The following SRGAP3 variants were observed in gnomAD, a reference collection of about 807,000 sequenced individuals.
SRGAP3 encodes the protein SLIT-ROBO Rho GTPase-activating protein 3.
In SRGAP3, 39 loss-of-function variants were observed where a neutral mutation model predicts 121.1. That is an observed-to-expected ratio of 0.32 (90% CI 0.25 to 0.42). SRGAP3 has a LOEUF of 0.42. Among genes scored for constraint, SRGAP3 ranks in the 10% least tolerant of loss-of-function variants. SRGAP3 has a pLI of 1.00. For missense variants in SRGAP3, 1,213 were observed against 1,470.6 expected (o/e 0.82, Z 2.86); for synonymous variants, 601 against 570.0 (o/e 1.05, Z -0.77).
chr3:9,317,389 T>C (rs1206346176), intron 3 of SRGAP3, among the ~76,000 whole-genome samples: 6 of 152,248 alleles, frequency 3.9e-5, no homozygotes. Flanking sequence ...TTTAAGATCA[T>C]GTTTGCCTGC....
chr3:9,121,283 G>A (rs1948995375), intron 2 of SRGAP3, among the ~76,000 whole-genome samples: 1 of 152,202 alleles, frequency 6.6e-6, no homozygotes, highest in South Asian at 2.1e-4. Flanking sequence ...GGCACTGAGG[G>A]GCTACTTGGC....
At chr3:9,101,859 C>A (rs987143335) in intron 3 of SRGAP3, among the ~76,000 whole-genome samples, 1 of 152,070 alleles carries the variant, frequency 6.6e-6, no homozygotes, top group African/African-American at 2.4e-5. Flanking sequence ...ACATCTCACA[C>A]TTAAAGCAAG....
intron 2 of SRGAP3, among the ~76,000 whole-genome samples, chr3:9,121,845 G>GGA (rs1949016153): frequency 6.6e-6 from 1 of 152,192 alleles, no homozygotes; most frequent in African/African-American, 2.4e-5. Context: ...CTGCAGCTAG[G>GGA]GAGAGCCCAA....
chr3:9,179,419 T>A (rs1951297378), intron 1 of SRGAP3, among the ~76,000 whole-genome samples: 1 of 152,068 alleles, frequency 6.6e-6, no homozygotes, highest in African/African-American at 2.4e-5. Context: ...AAAGTAGAGG[T>A]AATAATAGGC....
intron 15 of SRGAP3, chr3:9,014,066 C>A (rs1259544279): frequency 3.4e-6 from 2 of 596,630 alleles, no homozygotes; most frequent in Non-Finnish European, 6.1e-6. Flanking sequence ...CAATCAGAGT[C>A]GACTCTCCGG....
intron 2 of SRGAP3, among the ~76,000 whole-genome samples, chr3:9,116,916 T>G (rs1948825688): frequency 6.6e-6 from 1 of 152,176 alleles, no homozygotes; most frequent in African/African-American, 2.4e-5. Flanking sequence ...CCCATGAAGG[T>G]GCAATGAGAT....
chr3:9,161,681 T>C lies in SRGAP3; in HGVS notation c.68-36764A>G, dbSNP rs111651238. On this transcript the variant is annotated intron_variant, in intron 1 of 21. Transcript: ENST00000383836. The stretch of plus-strand genomic sequence containing the variant: ...TCTCCTTTCCTTTGATAAATATCAG[T>C]ACCAACAATAGGAGGGAGAAAAGTG... Among the ~76,000 whole-genome samples the C allele has an allele frequency of 6.5e-3, 985 of 152,306 alleles. 10 individuals are homozygous for C. The highest frequency in any genetic ancestry group is 0.022 in the African/African-American group (923 of 41,550).
chr3:8,993,277 C>T (rs1275644749), intron 19 of SRGAP3, among the ~76,000 whole-genome samples: 2 of 152,250 alleles, frequency 1.3e-5, no homozygotes, highest in African/African-American at 4.8e-5. Context: ...TTCTGTCCCA[C>T]ACCTACCTCC....
chr3:9,153,662 C>G (rs1196842170), intron 1 of SRGAP3, among the ~76,000 whole-genome samples: 2 of 152,096 alleles, frequency 1.3e-5, no homozygotes, highest in Non-Finnish European at 2.9e-5. Context: ...ACATTTAACA[C>G]AGACATAATC....
chr3:9,168,552 C>G (rs1021038250), intron 1 of SRGAP3, among the ~76,000 whole-genome samples: 1 of 152,326 alleles, frequency 6.6e-6, no homozygotes, highest in East Asian at 1.9e-4. Context: ...TTTTAACATC[C>G]GCTTAACAAC....
At chr3:9,086,233 T>C (rs1947465849) in intron 3 of SRGAP3, among the ~76,000 whole-genome samples, 1 of 152,184 alleles carries the variant, frequency 6.6e-6, no homozygotes, top group Non-Finnish European at 1.5e-5. Flanking sequence ...GCTCATTAAA[T>C]ATGTTTGCTT....
At chr3:9,141,556 GTGT>G (rs1560250931) in intron 1 of SRGAP3, among the ~76,000 whole-genome samples, 17 of 14,020 alleles carry the variant, frequency 1.2e-3, no homozygotes, top group Admixed American at 2.1e-3. Context: ...CTTCAGGGGT[GTGT>G]GTGTGTGTGT....
intron 1 of SRGAP3, among the ~76,000 whole-genome samples, chr3:9,244,940 G>A (rs140364785): frequency 2.0e-5 from 3 of 152,158 alleles, no homozygotes; most frequent in Non-Finnish European, 4.4e-5. Flanking sequence ...GTGCACTGAG[G>A]GGGTGAGCAG....
intron 1 of SRGAP3, among the ~76,000 whole-genome samples, chr3:9,125,977 T>C (rs966726984): frequency 6.6e-6 from 1 of 152,178 alleles, no homozygotes; most frequent in African/African-American, 2.4e-5. Context: ...GAATATCAGA[T>C]CTCACCTGCC....
chr3:8,990,789 C>T lies in SRGAP3; in HGVS notation c.2609G>A (p.Gly870Asp), dbSNP rs1303491196. ...GCCCCGGGGCGGGCTGTGTGTGTCG[C>T]CCCCGCTTCGGCGTCTGGGGATGGC... ...GAAIPRRRSG[G>D]DTHSPPRGLG... Residue 870 changes from glycine to aspartate, a missense_variant, in exon 21 of 22, where the codon GGC becomes GAC. By Grantham distance (94) the Gly-to-Asp change is moderately conservative (BLOSUM62 -1). Around this residue, in one of 2 missense-constraint regions of SRGAP3, gnomAD observed 420 missense variants for 437.7 expected, o/e 0.96. Coordinates refer to ENST00000383836, the MANE Select transcript of SRGAP3 (RefSeq NM_014850.4). 18 of 1,592,566 alleles carry T rather than the reference C, an allele frequency of 1.1e-5. No individual in the cohort carries two copies. Among genetic ancestry groups the T allele is most frequent in the Admixed American group, 5.2e-5 (3 of 57,292 alleles).
chr3:9,300,986 C>A (rs1035255202), intron 3 of SRGAP3, among the ~76,000 whole-genome samples: 1 of 152,166 alleles, frequency 6.6e-6, no homozygotes, highest in African/African-American at 2.4e-5. Flanking sequence ...TGCCCACTCC[C>A]ACCCCTCCCA....
chr3:8,992,846 C>T, intron 20 of SRGAP3, 60 bp downstream of exon 20: 2 of 1,613,714 alleles, frequency 1.2e-6, no homozygotes, highest in Non-Finnish European at 1.7e-6. Flanking sequence ...TGTGCTTCTC[C>T]CAAATCAGAC....
At chr3:9,297,265 G>C (rs1377119783) in intron 3 of SRGAP3, among the ~76,000 whole-genome samples, 1 of 152,098 alleles carries the variant, frequency 6.6e-6, no homozygotes, top group African/African-American at 2.4e-5. Flanking sequence ...AGCTATGCAG[G>C]CCCAGTGTCC....
intron 3 of SRGAP3, among the ~76,000 whole-genome samples, chr3:9,306,497 T>C (rs573621003): frequency 5.1e-4 from 78 of 152,356 alleles, no homozygotes; most frequent in African/African-American, 1.5e-3. Flanking sequence ...CCCATGCCTA[T>C]GTCCTGAATG....
Sources: allele counts gnomAD v4.1 joint callset (sites outside exome capture counted in the v4.1 genomes callset), GRCh38; gene constraint gnomAD v4.1.1; regional missense constraint gnomAD v4.1.1; transcripts MANE v1.5; gene names NCBI Gene and HGNC (gene_info 2026-07-23, HGNC 2026-07-21).